Variants in PDIA4 observed in about 807,000 individuals in gnomAD.
The protein encoded by PDIA4 is protein disulfide isomerase family A member 4.
A neutral mutation model predicts 62.1 loss-of-function variants in PDIA4; 33 were observed. The observed-to-expected ratio is 0.53, with a 90% CI of 0.40 to 0.71. The LOEUF (loss-of-function observed/expected upper bound fraction) is 0.71. PDIA4 is among the 30% of genes least tolerant of loss of function. PDIA4 has a pLI of 0.00. For missense variants in PDIA4, 804 were observed against 813.6 expected (o/e 0.99, Z 0.14); for synonymous variants, 341 against 324.1 (o/e 1.05, Z -0.56).
At chr7:149,012,070 G>A (rs1453297242) in intron 5 of PDIA4, 66 bp from the exon 6 acceptor site, 1 of 1,605,044 alleles carries the variant, frequency 6.2e-7, no homozygotes, top group African/African-American at 1.3e-5. Context: ...GCCCATGCCT[G>A]CCAGCCCCCA....
chr7:149,024,370 T>A (rs905954912), intron 1 of PDIA4, among the ~76,000 whole-genome samples: 3 of 152,198 alleles, frequency 2.0e-5, no homozygotes, highest in Non-Finnish European at 4.4e-5. Context: ...CAAGCCAGGA[T>A]TGATTCCTCT....
chr7:149,018,861 A>G (rs1824240362), intron 3 of PDIA4, 131 bp downstream of exon 3: 1 of 220,412 alleles, frequency 4.5e-6, no homozygotes, highest in Non-Finnish European at 9.3e-6. Context: ...AAGAGCAAAT[A>G]AACATTCCAG....
intron 9 of PDIA4, 46 bp downstream of exon 9, chr7:149,005,095 G>C: frequency 3.4e-6 from 5 of 1,467,718 alleles, no homozygotes; most frequent in Non-Finnish European, 3.8e-6. Context: ...TCCGCACGAG[G>C]AGCACAGCAG....
At chr7:149,015,191 C>T (rs1022469111) in intron 3 of PDIA4, 149 bp from the exon 4 acceptor site, 4 of 757,080 alleles carry the variant, frequency 5.3e-6, no homozygotes, top group Admixed American at 2.8e-5. Flanking sequence ...CTGGCTGCAT[C>T]TCTGCAGTTT....
At position 149,009,631 on chromosome 7, in the gene PDIA4, C is replaced by G. The variant is rs184287398; in HGVS notation, c.980-1321G>C. Among the ~76,000 whole-genome samples, 8 of 152,326 alleles carry G rather than the reference C, an allele frequency of 5.3e-5. No individual in the cohort carries two copies. In the South Asian group the frequency reaches 6.2e-4, roughly 12 times the overall value. ...GGTCTGAGGGCACCCTACCACAGGG[C>G]TGGGCAAACTTTCTGAGAAGGACTA... On this transcript the variant is annotated intron_variant, in intron 6 of 9. Transcript: ENST00000652332.
In PDIA4 at chr7:149,004,163, G is replaced by T. The variant is rs745509039; in HGVS notation, c.1569C>A (p.Asn523Lys). 4 of 1,613,996 alleles carry T rather than the reference G, an allele frequency of 2.5e-6. No homozygotes were observed. The highest frequency in any genetic ancestry group is 3.4e-6 in the Non-Finnish European group (4 of 1,179,960). ...CCACCACGACCTTGACGGGTCCCTT[G>T]TTGTTCTTGGGCACTGGCTGGGATT... ...VIKSQPVPKNNKGPVKVVVGK... is the reference protein window; with the variant it reads ...VIKSQPVPKNKKGPVKVVVGK... The change falls in exon 10 of 10, where the codon AAC (asparagine) becomes AAA (lysine). Residue 523 changes from asparagine to lysine, a missense_variant. By Grantham distance (94) the Asn-to-Lys change is moderately conservative (BLOSUM62 0). Transcript: ENST00000652332.
At chr7:149,010,420 G>C (rs1823906082) in intron 6 of PDIA4, among the ~76,000 whole-genome samples, 1 of 152,044 alleles carries the variant, frequency 6.6e-6, no homozygotes, top group African/African-American at 2.4e-5. Context: ...CTGAGCCTGG[G>C]GAGGTCAAGG....
Position 149,008,174 on chromosome 7 carries a change from G to C in PDIA4, c.1116C>G (p.His372Gln), listed in dbSNP as rs1440699486. ...GCCCGCTTACCTGGACGTCCATCATGTGGCTCCGGGGCTCATACTTGGACT... is the reference window on the plus strand; with the variant it reads ...GCCCGCTTACCTGGACGTCCATCATCTGGCTCCGGGGCTCATACTTGGACT... ...KFQSKYEPRS[H>Q]MMDVQGSTQD... The change falls in exon 7 of 10, where the codon CAC (histidine) becomes CAG (glutamine). Residue 372 changes from histidine to glutamine, a missense_variant. Physicochemically the swap from His to Gln is conservative, Grantham distance 24 (BLOSUM62 0). Transcript: ENST00000652332. 6.2e-7 allele frequency: 1 copy of C among 1,613,638 alleles called. No individual in the cohort carries two copies. Among genetic ancestry groups the C allele is most frequent in the African/African-American group, 1.3e-5 (1 of 74,876 alleles).
At chr7:149,004,817 G>A (rs1466084054) in intron 9 of PDIA4, among the ~76,000 whole-genome samples, 1 of 152,234 alleles carries the variant, frequency 6.6e-6, no homozygotes, top group Non-Finnish European at 1.5e-5. Context: ...TGCTAAGGCC[G>A]CTGAGTGATG....
intron 3 of PDIA4, among the ~76,000 whole-genome samples, chr7:149,015,437 A>G (rs1230668935): frequency 6.7e-6 from 1 of 149,090 alleles, no homozygotes; most frequent in Non-Finnish European, 1.5e-5. Context: ...AAATATATAC[A>G]TATTTAGTCA....
chr7:149,012,901 G>C (rs1022892337), intron 4 of PDIA4, among the ~76,000 whole-genome samples: 6 of 152,114 alleles, frequency 3.9e-5, no homozygotes, highest in Non-Finnish European at 7.4e-5. Context: ...ACCACCCAGG[G>C]AGGAGATGAG....
intron 1 of PDIA4, among the ~76,000 whole-genome samples, chr7:149,021,698 G>A (rs1824359959): frequency 1.3e-5 from 2 of 152,002 alleles, no homozygotes; most frequent in Admixed American, 1.3e-4. Context: ...AGAATATAAA[G>A]TCCAAATGTC....
chr7:149,026,933 G>A (rs891174294), intron 1 of PDIA4, among the ~76,000 whole-genome samples: 1 of 152,004 alleles, frequency 6.6e-6, no homozygotes, highest in Non-Finnish European at 1.5e-5. Flanking sequence ...ACCTCTGACC[G>A]GAAGGATAAA....
intron 2 of PDIA4, among the ~76,000 whole-genome samples, chr7:149,019,405 C>T (rs1282855187): frequency 1.3e-5 from 2 of 152,116 alleles, no homozygotes; most frequent in African/African-American, 4.8e-5. Context: ...GGCAAATGCA[C>T]TTTCACGAAT....
intron 5 of PDIA4, 50 bp from the exon 6 acceptor site, chr7:149,012,054 C>T (rs1412467533): frequency 2.5e-6 from 4 of 1,601,912 alleles, no homozygotes; most frequent in Non-Finnish European, 3.4e-6. Context: ...CTGCCCACTT[C>T]CCATGGCCCA....
intron 1 of PDIA4, among the ~76,000 whole-genome samples, chr7:149,027,596 CT>C (rs1376347793): frequency 2.6e-5 from 4 of 152,188 alleles, no homozygotes; most frequent in African/African-American, 9.7e-5. Flanking sequence ...CTTCAGAGTT[CT>C]TATGTCTGCA....
rs1264089816 is a variant in PDIA4 at position 149,003,577 on chromosome 7, T to C, written c.*217A>G. ...TTCAAACCCCAAATAATGATAAAAA[T>C]AGATGTATCCTCTGTAAAAATCTGG... On this transcript the variant is annotated 3_prime_UTR_variant, in exon 10 of 10. Coordinates refer to ENST00000652332, the MANE Select transcript of PDIA4 (RefSeq NM_004911.5). The C allele has an allele frequency of 5.1e-6, 2 of 393,704 alleles. No homozygotes were observed. The highest frequency in any genetic ancestry group is 8.9e-6 in the Non-Finnish European group (2 of 225,374). The allele number at this position is 393,704 out of a possible 1,614,324, so 24.4% of individuals were successfully genotyped here.
At chr7:149,024,435 C>A (rs926733726) in intron 1 of PDIA4, among the ~76,000 whole-genome samples, 1 of 152,084 alleles carries the variant, frequency 6.6e-6, no homozygotes, top group Non-Finnish European at 1.5e-5. Flanking sequence ...CCCACACATC[C>A]CTGCAAGCAA....
At position 149,027,667 on chromosome 7, in the gene PDIA4, G is replaced by A. The variant is rs188300844; in HGVS notation, c.88+654C>T. Among the ~76,000 whole-genome samples the A allele has an allele frequency of 4.7e-5, 7 of 149,328 alleles. No individual in the cohort carries two copies. In the East Asian group the frequency reaches 1.4e-3, roughly 29 times the overall value. On this transcript the variant is annotated intron_variant, in intron 1 of 9. Coordinates refer to ENST00000652332, the MANE Select transcript of PDIA4 (RefSeq NM_004911.5). ...GAAGTAGTTGTTACTATTCCTACTGGAGTACGCGCTTCATGGGCAGGGACC... is the reference window on the plus strand; with the variant it reads ...GAAGTAGTTGTTACTATTCCTACTGAAGTACGCGCTTCATGGGCAGGGACC...
Sources: allele counts gnomAD v4.1 joint callset (sites outside exome capture counted in the v4.1 genomes callset), GRCh38; gene constraint gnomAD v4.1.1; transcripts MANE v1.5; gene names NCBI Gene and HGNC (gene_info 2026-07-23, HGNC 2026-07-21).